BICC1: variants seen among roughly 807,000 people sequenced by gnomAD.
The protein encoded by BICC1 is BicC family RNA binding protein 1, also known as protein bicaudal C homolog 1.
Under a neutral mutation model 111.0 loss-of-function variants are expected in BICC1, and 43 were observed. The observed-to-expected ratio is 0.39, with a 90% CI of 0.30 to 0.50. BICC1 has a LOEUF of 0.50. Ranked by LOEUF, BICC1 falls within the 20% of genes least tolerant of loss-of-function variation. BICC1 has a pLI of 0.88. For synonymous variants in BICC1, 467 were observed against 434.4 expected (o/e 1.07, Z -0.93); for missense variants, 1,091 against 1,203.2 (o/e 0.91, Z 1.38).
chr10:58,707,688 C>A (rs917754956), intron 3 of BICC1, among the ~76,000 whole-genome samples: 1 of 151,782 alleles, frequency 6.6e-6, no homozygotes, highest in Admixed American at 6.6e-5. Flanking sequence ...CACCACCACG[C>A]CCAGCTTATT....
chr10:58,611,751 A>G (rs566724868), intron 1 of BICC1, among the ~76,000 whole-genome samples: 3 of 151,994 alleles, frequency 2.0e-5, no homozygotes, highest in African/African-American at 4.8e-5. Flanking sequence ...CGGCCTCCCA[A>G]AGTGCTGGGA....
chr10:58,568,702 G>A (rs1016505017), intron 1 of BICC1, among the ~76,000 whole-genome samples: 1 of 152,124 alleles, frequency 6.6e-6, no homozygotes, highest in African/African-American at 2.4e-5. Flanking sequence ...TGTGTTCAGT[G>A]TTTGTCTTGG....
At chr10:58,663,295 G>A (rs893467001) in intron 2 of BICC1, among the ~76,000 whole-genome samples, 26 of 152,062 alleles carry the variant, frequency 1.7e-4, no homozygotes, top group Non-Finnish European at 2.9e-5. Flanking sequence ...TCGAACTCCT[G>A]TCCTCAGGTG....
intron 18 of BICC1, among the ~76,000 whole-genome samples, chr10:58,815,266 G>C (rs766281420): frequency 8.5e-5 from 13 of 152,182 alleles, no homozygotes; most frequent in Non-Finnish European, 1.9e-4. Flanking sequence ...AGATTTGAAA[G>C]GAGTAATCAG....
chr10:58,520,480 A>T lies in BICC1; in HGVS notation c.190+7147A>T, dbSNP rs763273271. ...TTTTCCTACCTATCAGGCTACTAAT[A>T]GCTGTGGATGATGAAAATGTTTGTA... On this transcript the variant is annotated intron_variant, in intron 1 of 20. Transcript: ENST00000373886. 3.9e-5 allele frequency among the ~76,000 whole-genome samples: 6 copies of T among 152,162 alleles called. No homozygotes were observed. In the South Asian group the frequency reaches 1.0e-3, roughly 26 times the overall value.
At chr10:58,513,495 C>T (rs1372350265) in intron 1 of BICC1, among the ~76,000 whole-genome samples, 162 bp downstream of exon 1, 1 of 152,236 alleles carries the variant, frequency 6.6e-6, no homozygotes, top group African/African-American at 2.4e-5. Flanking sequence ...GGACTGGAGA[C>T]TTCGCGGGAC....
Position 58,729,777 on chromosome 10 carries a change from G to T in BICC1, c.307+27634G>T, listed in dbSNP as rs145416093. Among the ~76,000 whole-genome samples the T allele has an allele frequency of 7.9e-3, 1,209 of 152,216 alleles. 10 individuals are homozygous for T. Among genetic ancestry groups the T allele is most frequent in the Non-Finnish European group, 0.014 (929 of 68,024 alleles). Reference sequence around the variant, plus strand: ...ACACACTTTTAAACAACCACATCTCGCAAGAATTCACTCACTATTGTGACG... The same window carrying T: ...ACACACTTTTAAACAACCACATCTCTCAAGAATTCACTCACTATTGTGACG... On this transcript the variant is annotated intron_variant, in intron 3 of 20. Coordinates refer to ENST00000373886, the MANE Select transcript of BICC1 (RefSeq NM_001080512.3).
chr10:58,671,399 T>A (rs1839180188), intron 2 of BICC1, among the ~76,000 whole-genome samples: 1 of 152,132 alleles, frequency 6.6e-6, no homozygotes, highest in South Asian at 2.1e-4. Context: ...TAATCCAAGT[T>A]GGAACTGTGG....
chr10:58,552,484 C>A (rs1658448), intron 1 of BICC1, among the ~76,000 whole-genome samples: 2,149 of 151,688 alleles, frequency 0.014, 52 homozygotes, highest in African/African-American at 0.049. Flanking sequence ...TACAGGTGCC[C>A]GCCACCACAC....
chr10:58,568,619 A>G (rs964959206), intron 1 of BICC1, among the ~76,000 whole-genome samples: 12 of 152,154 alleles, frequency 7.9e-5, no homozygotes, highest in Non-Finnish European at 1.3e-4. Context: ...CCACATCAGC[A>G]CACCACATCC....
intron 2 of BICC1, among the ~76,000 whole-genome samples, chr10:58,695,757 A>G (rs1048384741): frequency 1.3e-5 from 2 of 152,180 alleles, no homozygotes; most frequent in African/African-American, 4.8e-5. Flanking sequence ...TGCGACATAT[A>G]TGGTTTAGTG....
At chr10:58,758,355 C>T (rs1376991970) in intron 3 of BICC1, among the ~76,000 whole-genome samples, 2 of 152,166 alleles carry the variant, frequency 1.3e-5, no homozygotes, top group Admixed American at 1.3e-4. Context: ...CTAATGTATT[C>T]TTCCCCTACC....
intron 1 of BICC1, among the ~76,000 whole-genome samples, chr10:58,521,542 G>T (rs756245835): frequency 1.3e-5 from 2 of 152,026 alleles, no homozygotes; most frequent in African/African-American, 2.4e-5. Flanking sequence ...AAGTTTTGCA[G>T]GTTAGGCAGA....
chr10:58,783,049 A>G (rs887204324), intron 3 of BICC1, among the ~76,000 whole-genome samples: 6 of 152,158 alleles, frequency 3.9e-5, no homozygotes, highest in African/African-American at 1.2e-4. Context: ...CCCTCATTTC[A>G]TAATAACTGA....
At chr10:58,721,558 A>C (rs1564574327) in intron 3 of BICC1, among the ~76,000 whole-genome samples, 1 of 152,216 alleles carries the variant, frequency 6.6e-6, no homozygotes, top group African/African-American at 2.4e-5. Context: ...TTTGAGGAAA[A>C]AAAATATGCT....
chr10:58,729,652 G>A (rs1173688253), intron 3 of BICC1, among the ~76,000 whole-genome samples: 1 of 152,138 alleles, frequency 6.6e-6, no homozygotes, highest in Non-Finnish European at 1.5e-5. Context: ...CTCCTTCTGG[G>A]GAGGCCTCAG....
At chr10:58,778,386 G>A (rs531846867) in intron 3 of BICC1, among the ~76,000 whole-genome samples, 6 of 152,144 alleles carry the variant, frequency 3.9e-5, no homozygotes, top group African/African-American at 1.4e-4. Flanking sequence ...TTAATAGCCT[G>A]CTATTGACCA....
chr10:58,824,997 G>A (rs953130296), intron 20 of BICC1, among the ~76,000 whole-genome samples: 2 of 152,118 alleles, frequency 1.3e-5, no homozygotes, highest in African/African-American at 2.4e-5. Context: ...GTTGGCAAAA[G>A]ACAAACCAAA....
rs968712427 is a variant in BICC1 at position 58,813,893 on chromosome 10, G to C, written c.2440G>C (p.Asp814His). ...GCACTTGGGAGGTGGAAGCGAATCT[G>C]ATAACTGGAGAGACCGAAATGGAAT... Reference protein sequence around the residue: ...REHLGGGSESDNWRDRNGIGP... With the variant: ...REHLGGGSESHNWRDRNGIGP... The change falls in exon 18 of 21, where the codon GAT (aspartate) becomes CAT (histidine). Residue 814 changes from aspartate (D) to histidine (H), a missense_variant. By Grantham distance (81) the Asp-to-His change is moderately conservative (BLOSUM62 -1). Transcript: ENST00000373886. 2 of 1,613,908 alleles carry C rather than the reference G, an allele frequency of 1.2e-6. No homozygotes were observed. The highest frequency in any genetic ancestry group is 1.7e-6 in the Non-Finnish European group (2 of 1,179,912).
Sources: gnomAD v4.1 joint callset for allele counts (sites outside exome capture counted in the v4.1 genomes callset) on GRCh38, gnomAD v4.1.1 for gene constraint, MANE v1.5 for transcripts, NCBI Gene and HGNC (gene_info 2026-07-23, HGNC 2026-07-21) for gene names.